The following TMPRSS11D variants were observed in gnomAD, a reference collection of about 807,000 sequenced individuals.
The protein encoded by TMPRSS11D is transmembrane protease serine 11D.
TMPRSS11D carries 32 observed loss-of-function variants against 44.4 expected under a neutral mutation model. That is an observed-to-expected ratio of 0.72 (90% CI 0.54 to 0.97). The LOEUF is 0.97. TMPRSS11D is among the 50% of genes least tolerant of loss of function. The pLI, the probability that TMPRSS11D is intolerant of heterozygous loss-of-function variation, is 0.00. For missense variants in TMPRSS11D, 446 were observed against 502.6 expected, an observed-to-expected ratio of 0.89 and a Z score of 1.08; for synonymous variants, 179 against 177.9, an observed-to-expected ratio of 1.01 and a Z score of -0.05.
At chr4:67,842,718 G>A in intron 3 of TMPRSS11D, 93 bp from the exon 4 acceptor site, 1 of 1,140,746 alleles carries the variant, frequency 8.8e-7, no homozygotes, top group Non-Finnish European at 1.3e-6. Flanking sequence ...TTAATGAGGA[G>A]TAGAAAACTG....
At chr4:67,843,484 A>T (rs1218582919) in intron 3 of TMPRSS11D, among the ~76,000 whole-genome samples, 1 of 152,206 alleles carries the variant, frequency 6.6e-6, no homozygotes, top group African/African-American at 2.4e-5. Context: ...ATGTGTCTGT[A>T]TCAGAACATG....
chr4:67,827,188 C>A, intron 8 of TMPRSS11D, 73 bp downstream of exon 8: 1 of 1,517,962 alleles, frequency 6.6e-7, no homozygotes, highest in Admixed American at 2.2e-5. Flanking sequence ...CCAGATGTTT[C>A]CTAATTTAAA....
At position 67,835,082 on chromosome 4, in the gene TMPRSS11D, C is replaced by A. The variant is rs1451037844; in HGVS notation, c.514+1G>T. 6.2e-7 allele frequency: 1 copy of A among 1,611,576 alleles called. No homozygotes were observed. On this transcript the variant is annotated splice_donor_variant, in intron 6 of 9. Transcript: ENST00000283916. LOFTEE classifies it high-confidence loss of function. ...AGTTACAAAATAATATTAAAACTTA[C>A]CATTAATAAGCCAATTTGCTGCAGC...
At chr4:67,863,039 G>A (rs1718830446) in intron 1 of TMPRSS11D, among the ~76,000 whole-genome samples, 1 of 147,506 alleles carries the variant, frequency 6.8e-6, no homozygotes, top group African/African-American at 2.6e-5. Context: ...AGAACTTAAA[G>A]TATAATAAAA....
At chr4:67,838,809 G>A (rs1210360449) in intron 4 of TMPRSS11D, among the ~76,000 whole-genome samples, 1 of 151,994 alleles carries the variant, frequency 6.6e-6, no homozygotes, top group Non-Finnish European at 1.5e-5. Flanking sequence ...TTGTAAATTT[G>A]TGTGAGTTAG....
chr4:67,824,039 A>G (rs1167387380), intron 9 of TMPRSS11D, among the ~76,000 whole-genome samples: 1 of 152,128 alleles, frequency 6.6e-6, no homozygotes, highest in Non-Finnish European at 1.5e-5. Flanking sequence ...GTGCATAGAA[A>G]GTAATTAATA....
intron 3 of TMPRSS11D, 100 bp downstream of exon 3, chr4:67,853,968 T>C (rs1269586379): frequency 2.9e-6 from 2 of 680,272 alleles, no homozygotes; most frequent in Non-Finnish European, 2.4e-6. Flanking sequence ...AAGGAAAATA[T>C]GTAGAGCACT....
chr4:67,851,753 C>A (rs115510943), intron 3 of TMPRSS11D, among the ~76,000 whole-genome samples: 1 of 152,208 alleles, frequency 6.6e-6, no homozygotes, highest in African/African-American at 2.4e-5. Context: ...GCCAATGGCA[C>A]CATTATCTAC....
At chr4:67,873,197 A>T (rs1719103554) in intron 1 of TMPRSS11D, among the ~76,000 whole-genome samples, 1 of 152,210 alleles carries the variant, frequency 6.6e-6, no homozygotes, top group Non-Finnish European at 1.5e-5. Flanking sequence ...CTGATGAAAC[A>T]GCCCAAACTT....
chr4:67,856,655 T>G (rs1718642405), intron 2 of TMPRSS11D, among the ~76,000 whole-genome samples: 2 of 152,028 alleles, frequency 1.3e-5, no homozygotes, highest in African/African-American at 2.4e-5. Flanking sequence ...ACTAAAAAGC[T>G]TCTGCACAGC....
intron 9 of TMPRSS11D, among the ~76,000 whole-genome samples, chr4:67,824,698 C>G (rs555173250): frequency 1.3e-5 from 2 of 152,170 alleles, no homozygotes; most frequent in South Asian, 4.2e-4. Context: ...ACTTTTTATC[C>G]ACTTTTTAAA....
At chr4:67,863,324 T>C (rs1228418775) in intron 1 of TMPRSS11D, among the ~76,000 whole-genome samples, 2 of 138,872 alleles carry the variant, frequency 1.4e-5, no homozygotes, top group African/African-American at 5.9e-5. Context: ...AAACTGGTCT[T>C]GCTCAAAAAA....
intron 2 of TMPRSS11D, among the ~76,000 whole-genome samples, chr4:67,856,056 A>G (rs1409155852): frequency 6.6e-6 from 1 of 152,172 alleles, no homozygotes; most frequent in African/African-American, 2.4e-5. Flanking sequence ...TTTAAATACT[A>G]TACTCTTCAA....
At chr4:67,830,948 G>C (rs969345201) in intron 7 of TMPRSS11D, among the ~76,000 whole-genome samples, 1 of 152,070 alleles carries the variant, frequency 6.6e-6, no homozygotes, top group Non-Finnish European at 1.5e-5. Context: ...GTCAACTATA[G>C]TGTTTGGCAC....
chr4:67,855,053 G>A (rs546381777), intron 2 of TMPRSS11D, among the ~76,000 whole-genome samples: 12 of 152,106 alleles, frequency 7.9e-5, no homozygotes, highest in South Asian at 2.1e-4. Flanking sequence ...TCCGGAGTTC[G>A]AGACCAACCT....
At chr4:67,857,567 G>A (rs1381823660) in intron 2 of TMPRSS11D, among the ~76,000 whole-genome samples, 3 of 151,700 alleles carry the variant, frequency 2.0e-5, no homozygotes, top group Non-Finnish European at 2.9e-5. Flanking sequence ...AGACCGGCCT[G>A]GGCAACAAAG....
intron 1 of TMPRSS11D, among the ~76,000 whole-genome samples, chr4:67,878,945 A>ATT (rs1719257399): frequency 6.6e-6 from 1 of 152,112 alleles, no homozygotes; most frequent in Non-Finnish European, 1.5e-5. Flanking sequence ...ATATGGAGTA[A>ATT]TTATATATAT....
intron 1 of TMPRSS11D, among the ~76,000 whole-genome samples, chr4:67,871,121 C>T (rs1719052559): frequency 1.4e-5 from 2 of 147,594 alleles, no homozygotes; most frequent in African/African-American, 2.5e-5. Context: ...AATTGATTCT[C>T]GTATTGAAAA....
chr4:67,867,425 G>T (rs115876551), intron 1 of TMPRSS11D, among the ~76,000 whole-genome samples: 139 of 152,152 alleles, frequency 9.1e-4, no homozygotes, highest in African/African-American at 3.2e-3. Flanking sequence ...CCTAGGCAAA[G>T]AATTTATGAC....
Sources: allele counts gnomAD v4.1 joint callset (sites outside exome capture counted in the v4.1 genomes callset), GRCh38; gene constraint gnomAD v4.1.1; transcripts MANE v1.5; gene names NCBI Gene and HGNC (gene_info 2026-07-23, HGNC 2026-07-21).